RAD54B: variants seen among roughly 807,000 people sequenced by gnomAD.
RAD54B encodes the protein DNA repair and recombination protein RAD54B.
In RAD54B, 78 loss-of-function variants were observed where a neutral mutation model predicts 95.8. That is an observed-to-expected ratio of 0.81 (90% confidence interval 0.68 to 0.98). The LOEUF (loss-of-function observed/expected upper bound fraction) is 0.98. Among genes scored for constraint, RAD54B ranks in the 50% least tolerant of loss-of-function variants. The probability of loss-of-function intolerance (pLI) is 0.00; values close to 1 mark genes in which losing one functional copy is unlikely to be tolerated. For missense variants in RAD54B, 957 were observed against 1,056.6 expected (o/e 0.91, Z 1.31); for synonymous variants, 328 against 354.9 (o/e 0.92, Z 0.85).
At chr8:94,461,052 G>A (rs1480297281) in intron 2 of RAD54B, among the ~76,000 whole-genome samples, 1 of 147,200 alleles carries the variant, frequency 6.8e-6, no homozygotes. Flanking sequence ...ACATGAACAT[G>A]TTTAAAGGGC....
intron 14 of RAD54B, chr8:94,373,216 T>C (rs912501276): frequency 3.9e-5 from 6 of 152,204 alleles, no homozygotes; most frequent in Admixed American, 3.3e-4. Flanking sequence ...TTAAAGCCTA[T>C]AGAGTAAAAG....
chr8:94,407,937 A>AT (rs1465220595), intron 4 of RAD54B, among the ~76,000 whole-genome samples: 1 of 152,096 alleles, frequency 6.6e-6, no homozygotes, highest in East Asian at 1.9e-4. Flanking sequence ...GAAAGCAAGA[A>AT]TTTTTTTACT....
At chr8:94,467,260 T>C in intron 2 of RAD54B, 145 bp downstream of exon 2, 1 of 737,682 alleles carries the variant, frequency 1.4e-6, no homozygotes. Flanking sequence ...TTATGTAATC[T>C]TCATTTCCAA....
chr8:94,436,539 C>A, intron 3 of RAD54B: 23 of 1,550,116 alleles, frequency 1.5e-5, no homozygotes, highest in Non-Finnish European at 1.9e-5. Context: ...AACTGGAAAT[C>A]TGGGGAATCA....
At chr8:94,413,191 T>G (rs1305242919) in intron 3 of RAD54B, among the ~76,000 whole-genome samples, 1 of 152,206 alleles carries the variant, frequency 6.6e-6, no homozygotes, top group African/African-American at 2.4e-5. Context: ...CAGGACATTT[T>G]TAGTAAAATT....
intron 10 of RAD54B, among the ~76,000 whole-genome samples, chr8:94,389,028 A>G (rs1248775979): frequency 6.6e-6 from 1 of 152,248 alleles, no homozygotes; most frequent in Non-Finnish European, 1.5e-5. Flanking sequence ...ATGCACGTGC[A>G]TTCTGTCCTA....
rs143066995 is a variant in RAD54B, at chr8:94,441,597, A to G, written c.304+16671T>C. 1.2e-3 allele frequency among the ~76,000 whole-genome samples: 183 copies of G among 152,324 alleles called. 1 individual carries two copies. Among genetic ancestry groups the G allele is most frequent in the African/African-American group, 4.2e-3 (176 of 41,576 alleles). On this transcript the variant is annotated intron_variant, in intron 3 of 14. Transcript: ENST00000336148. ...TTATTCAGCTATCTCGAAGCTCTAC[A>G]ACACAGGGCTTTGGGCTTTTTAAGA... is the stretch of plus-strand genomic sequence containing the variant.
At chr8:94,397,507 C>T (rs1811175919) in intron 8 of RAD54B, among the ~76,000 whole-genome samples, 1 of 152,084 alleles carries the variant, frequency 6.6e-6, no homozygotes, top group African/African-American at 2.4e-5. Flanking sequence ...AACAATCTCA[C>T]TGGTTGCTAT....
At position 94,400,407 on chromosome 8, in the gene RAD54B, A is replaced by G. The variant is rs752037673; in HGVS notation, c.1001T>C (p.Leu334Ser). The change falls in exon 7 of 15, where the codon TTG becomes TCG. Residue 334 changes from leucine (L) to serine (S), a missense_variant. Leu to Ser is a moderately radical substitution (Grantham distance 145). Coordinates refer to ENST00000336148, the MANE Select transcript of RAD54B (RefSeq NM_012415.3). ...GGTCCAGATGAGCGAAATACATTGC[A>G]ATGTCTTCCCTAAACCCATTTCATC... is the stretch of plus-strand genomic sequence containing the variant. ...LADEMGLGKT[L>S]QCISLIWTLQ... The G allele has an allele frequency of 6.2e-7, 1 of 1,613,614 alleles. No homozygotes were observed. The highest frequency in any genetic ancestry group is 8.5e-7 in the Non-Finnish European group (1 of 1,179,862).
rs542491710 is a variant in RAD54B, at chr8:94,399,635, A to G, written c.1171-14T>C. Reference sequence around the variant, plus strand: ...AACTTTGTGGTCCTGAGGAAAAAAGATAGTATTTTAAAAATCAGGAACAGA... The same window carrying G: ...AACTTTGTGGTCCTGAGGAAAAAAGGTAGTATTTTAAAAATCAGGAACAGA... On this transcript the variant is annotated splice_polypyrimidine_tract_variant and intron_variant, in intron 7 of 14. Coordinates refer to ENST00000336148, the MANE Select transcript of RAD54B (RefSeq NM_012415.3). The G allele has an allele frequency of 9.5e-6, 15 of 1,586,096 alleles. No individual in the cohort carries two copies. The South Asian group carries it at 1.7e-4, about 18-fold the overall frequency.
At chr8:94,426,662 AT>A (rs1248764099) in intron 3 of RAD54B, among the ~76,000 whole-genome samples, 1 of 152,110 alleles carries the variant, frequency 6.6e-6, no homozygotes, top group African/African-American at 2.4e-5. Context: ...CTTATCTATA[AT>A]TTTTTTTAAA....
At chr8:94,407,741 AAATT>A (rs1272332087) in intron 4 of RAD54B, 21 bp from the exon 5 acceptor site, 1 of 1,593,386 alleles carries the variant, frequency 6.3e-7, no homozygotes, top group Non-Finnish European at 8.6e-7. Flanking sequence ...AGAAAGAAAA[AAATT>A]AATTGACACT....
intron 12 of RAD54B, 107 bp from the exon 13 acceptor site, chr8:94,378,741 C>T: frequency 1.4e-6 from 1 of 724,362 alleles, no homozygotes; most frequent in Non-Finnish European, 2.2e-6. Flanking sequence ...CTATATTTTA[C>T]ATACAGCTTC....
At chr8:94,374,274 G>A (rs1245360121) in intron 14 of RAD54B, among the ~76,000 whole-genome samples, 2 of 147,112 alleles carry the variant, frequency 1.4e-5, no homozygotes, top group South Asian at 2.1e-4. Flanking sequence ...GCAAGACTCC[G>A]TCTCAAAAAA....
At chr8:94,469,152 G>GT (rs555766038) in intron 1 of RAD54B, among the ~76,000 whole-genome samples, 186 of 151,152 alleles carry the variant, frequency 1.2e-3, no homozygotes, top group African/African-American at 4.1e-3. Flanking sequence ...TCAATAGCTA[G>GT]TAAGATTTTA....
chr8:94,447,762 A>G (rs1563661105), intron 3 of RAD54B, among the ~76,000 whole-genome samples: 1 of 152,232 alleles, frequency 6.6e-6, no homozygotes, highest in African/African-American at 2.4e-5. Flanking sequence ...AGATGAGAAA[A>G]AGCGTGTGGC....
At chr8:94,432,229 G>C in intron 3 of RAD54B, 1 of 1,550,298 alleles carries the variant, frequency 6.5e-7, no homozygotes, top group Non-Finnish European at 8.7e-7. Context: ...TCTAGCTGCT[G>C]CCTTCTTTTC....
intron 11 of RAD54B, 83 bp from the exon 12 acceptor site, chr8:94,380,489 T>C: frequency 7.6e-7 from 1 of 1,316,120 alleles, no homozygotes; most frequent in Non-Finnish European, 1.0e-6. Flanking sequence ...ACCACAATAA[T>C]ATTATCACTG....
chr8:94,438,903 G>A (rs1360207107), intron 3 of RAD54B, among the ~76,000 whole-genome samples: 1 of 152,102 alleles, frequency 6.6e-6, no homozygotes. Context: ...ACCAGACCGG[G>A]CAACATGGAG....
Sources: gnomAD v4.1 joint callset for allele counts (sites outside exome capture counted in the v4.1 genomes callset) on GRCh38, gnomAD v4.1.1 for gene constraint, MANE v1.5 for transcripts, NCBI Gene and HGNC (gene_info 2026-07-23, HGNC 2026-07-21) for gene names.